The following TOP2A variants were observed in gnomAD, a reference collection of about 807,000 sequenced individuals.
The protein encoded by TOP2A is DNA topoisomerase 2-alpha.
TOP2A carries 68 observed loss-of-function variants against 187.2 expected under a neutral mutation model. The observed-to-expected ratio is 0.36, with a 90% CI of 0.30 to 0.44. The LOEUF is 0.44. Ranked by LOEUF, TOP2A falls within the 20% of genes least tolerant of loss-of-function variation. The pLI is 1.00. For missense variants in TOP2A, 1,196 were observed against 1,808.7 expected, an observed-to-expected ratio of 0.66 and a Z score of 6.14; for synonymous variants, 542 against 593.2, an observed-to-expected ratio of 0.91 and a Z score of 1.25.
In TOP2A at chr17:40,411,903, A is replaced by G. The variant is rs931408858; in HGVS notation, c.790-85T>C. 4 of 1,108,638 alleles carry G rather than the reference A, an allele frequency of 3.6e-6. No individual in the cohort carries two copies. Among genetic ancestry groups the G allele is most frequent in the Non-Finnish European group, 5.0e-6 (4 of 792,540 alleles). The allele number at this position is 1,108,638 out of a possible 1,614,324, so 68.7% of individuals were successfully genotyped here. A position where few individuals can be genotyped will look rare whatever the true frequency, so the allele number is the denominator to read the frequency against. ...AGACTATGAGGACTTTCCAAAACCA[A>G]TGCAATGATGTTCACTGATAGGCAT... is the stretch of plus-strand genomic sequence containing the variant. On this transcript the variant is annotated intron_variant, in intron 7 of 34. Coordinates refer to ENST00000423485, the MANE Select transcript of TOP2A (RefSeq NM_001067.4). The surrounding 1 kb of genome is among the most constrained non-coding windows in gnomAD (Gnocchi z 4.4).
intron 28 of TOP2A, 58 bp downstream of exon 28, chr17:40,396,225 C>G (rs1490486047): frequency 1.1e-6 from 1 of 928,746 alleles, no homozygotes; most frequent in Non-Finnish European, 1.7e-6. Flanking sequence ...AAGTGATCCA[C>G]CCACCTTGGC....
rs1320810962 is a variant in TOP2A at position 40,396,389 on chromosome 17, G to GT, written c.3613dup (p.Thr1205AsnfsTer5). ...AGAAGGCAAAACTTCAGCCATTTGT[G>GT]TTTTTTTCCCCTTGGCCTTCCCCCC... On this transcript the variant is annotated frameshift_variant, in exon 28 of 35. Coordinates refer to ENST00000423485, the MANE Select transcript of TOP2A (RefSeq NM_001067.4). LOFTEE classifies it high-confidence loss of function. 6.2e-7 allele frequency: 1 copy of GT among 1,613,784 alleles called. No individual in the cohort carries two copies. The highest frequency in any genetic ancestry group is 8.5e-7 in the Non-Finnish European group (1 of 1,179,866).
chr17:40,408,020 C>T lies in TOP2A; in HGVS notation c.1447G>A (p.Val483Ile). 3 of 1,613,470 alleles carry T rather than the reference C, an allele frequency of 1.9e-6. No homozygotes were observed. The highest frequency in any genetic ancestry group is 4.5e-5 in the East Asian group (2 of 44,846). ...AGTATTTTTCCTCTAAGAGGGAAAA[C>T]CCCATATTTGTCTCTCCCAACCACA... ...LGVVGRDKYGVFPLRGKILNV... is the reference protein window; with the variant it reads ...LGVVGRDKYGIFPLRGKILNV... The change falls in exon 12 of 35, where the codon GTT becomes ATT. Residue 483 changes from valine to isoleucine, a missense_variant. Coordinates refer to ENST00000423485, the MANE Select transcript of TOP2A (RefSeq NM_001067.4).
chr17:40,392,991 G>C (rs564870145), intron 29 of TOP2A, among the ~76,000 whole-genome samples: 6 of 152,240 alleles, frequency 3.9e-5, no homozygotes, highest in Admixed American at 1.3e-4. Flanking sequence ...AGGATTACTT[G>C]AGCCCAGGGG....
intron 16 of TOP2A, among the ~76,000 whole-genome samples, chr17:40,405,197 G>A (rs1013678455): frequency 4.7e-5 from 7 of 148,860 alleles, no homozygotes; most frequent in Non-Finnish European, 7.4e-5. Flanking sequence ...TTTCACTCTT[G>A]TGGAATGTGA....
chr17:40,396,128 T>C (rs1322074189), intron 28 of TOP2A, among the ~76,000 whole-genome samples, 155 bp downstream of exon 28: 1 of 151,464 alleles, frequency 6.6e-6, no homozygotes, highest in Non-Finnish European at 1.5e-5. Flanking sequence ...TACAGGCGCC[T>C]GCCACCATGC....
chr17:40,408,600 G>T lies in TOP2A; in HGVS notation c.1234C>A (p.Leu412Ile), dbSNP rs2035277066. ...AIGCGIVESI[L>I]NWVKFKAQVQ... Reference sequence around the variant, plus strand: ...TGGGCCTTAAACTTCACCCAGTTTAGTATGCTTTCTACAATACCACAGCCA... The same window carrying T: ...TGGGCCTTAAACTTCACCCAGTTTATTATGCTTTCTACAATACCACAGCCA... Residue 412 changes from leucine to isoleucine, a missense_variant, in exon 11 of 35, where the codon CTA becomes ATA. Transcript: ENST00000423485. 2 of 1,613,648 alleles carry T rather than the reference G, an allele frequency of 1.2e-6. No individual in the cohort carries two copies. Among genetic ancestry groups the T allele is most frequent in the South Asian group, 2.2e-5 (2 of 91,086 alleles).
intron 4 of TOP2A, among the ~76,000 whole-genome samples, chr17:40,415,207 A>G (rs1039228215): frequency 6.7e-6 from 1 of 148,982 alleles, no homozygotes; most frequent in Non-Finnish European, 1.5e-5. Context: ...GGCGCCCACC[A>G]CTACACCCGG....
intron 1 of TOP2A, 155 bp downstream of exon 1, chr17:40,417,616 C>T: frequency 2.0e-6 from 3 of 1,495,654 alleles, no homozygotes; most frequent in Non-Finnish European, 2.7e-6. Context: ...GCTTCCGCCT[C>T]TCCACGATCA....
chr17:40,393,762 T>C (rs537153182), intron 29 of TOP2A, among the ~76,000 whole-genome samples: 36 of 152,078 alleles, frequency 2.4e-4, no homozygotes, highest in Non-Finnish European at 1.9e-4. Flanking sequence ...GCTAAAACTA[T>C]AAAATGCTTA....
chr17:40,392,871 G>A lies in TOP2A; in HGVS notation c.3812-134C>T, dbSNP rs535266790. On this transcript the variant is annotated intron_variant, in intron 29 of 34. Transcript: ENST00000423485. Reference sequence around the variant, plus strand: ...ACAATCGTGAAAAGAGACAGATATGGTCTCTGTTTTTGTGGTGCATATAGC... The same window carrying A: ...ACAATCGTGAAAAGAGACAGATATGATCTCTGTTTTTGTGGTGCATATAGC... The A allele has an allele frequency of 3.8e-6, 3 of 786,902 alleles. No homozygotes were observed. In the South Asian group the frequency reaches 5.8e-5, roughly 15 times the overall value. 48.7% of individuals were successfully genotyped at this position (786,902 alleles called of 1,614,324 possible).
intron 33 of TOP2A, chr17:40,391,143 A>C (rs187058948): frequency 1.1e-4 from 20 of 178,366 alleles, no homozygotes; most frequent in Non-Finnish European, 1.9e-4. Flanking sequence ...GCAGCCTTGA[A>C]CTCCTGGCCT....
In TOP2A at chr17:40,417,759, C is replaced by T. The variant is rs756563189; in HGVS notation, c.21+12G>A. On this transcript the variant is annotated intron_variant, in intron 1 of 34. Transcript: ENST00000423485. ...CGGAGGCTCCACCGCCAGTCCCCCC[C>T]GCGAGCCGTACCTGCAATGGTGACA... 4 of 1,612,486 alleles carry T rather than the reference C, an allele frequency of 2.5e-6. No homozygotes were observed. In the African/African-American group the frequency reaches 4.0e-5, roughly 16 times the overall value.
Position 40,389,073 on chromosome 17 carries a change from T to C in TOP2A, c.*446A>G, listed in dbSNP as rs1031641240. The C allele has an allele frequency of 2.7e-5, 6 of 219,518 alleles. No individual in the cohort carries two copies. Among genetic ancestry groups the C allele is most frequent in the Non-Finnish European group, 9.2e-6 (1 of 108,670 alleles). 13.6% of individuals were successfully genotyped at this position (219,518 alleles called of 1,614,324 possible). Reference sequence around the variant, plus strand: ...CATAAAGTTCTATCTGATGGTAAATTATGTATAAAACTAAGATAAAACAGA... The same window carrying C: ...CATAAAGTTCTATCTGATGGTAAATCATGTATAAAACTAAGATAAAACAGA... On this transcript the variant is annotated 3_prime_UTR_variant, in exon 35 of 35. Coordinates refer to ENST00000423485, the MANE Select transcript of TOP2A (RefSeq NM_001067.4).
rs541500588 is a variant in TOP2A, at chr17:40,401,920, CATA to C, written c.2433-842_2433-840del. 2.6e-5 allele frequency among the ~76,000 whole-genome samples: 4 copies of C among 152,272 alleles called. No individual in the cohort carries two copies. The South Asian group carries it at 8.3e-4, about 32-fold the overall frequency. The stretch of plus-strand genomic sequence containing the variant: ...ACATGGAAGGTGGGGACACGGATCA[CATA>C]ATGTCTGGTTAGCTAAAATAGGTCT... On this transcript the variant is annotated intron_variant, in intron 20 of 34. Coordinates refer to ENST00000423485, the MANE Select transcript of TOP2A (RefSeq NM_001067.4).
intron 33 of TOP2A, 128 bp downstream of exon 33, chr17:40,391,378 G>T: frequency 2.1e-6 from 2 of 935,606 alleles, no homozygotes; most frequent in Non-Finnish European, 3.1e-6. Flanking sequence ...AAAAGAAATT[G>T]CTTCCAATTG....
At chr17:40,408,977 C>G in intron 10 of TOP2A, 1 of 429,070 alleles carries the variant, frequency 2.3e-6, no homozygotes, top group Non-Finnish European at 4.6e-6. Flanking sequence ...GGCAGAACAC[C>G]TGAGGTCAGG....
At chr17:40,409,286 G>T (rs1053021141) in intron 10 of TOP2A, 7 of 336,344 alleles carry the variant, frequency 2.1e-5, no homozygotes, top group South Asian at 1.5e-4. Context: ...TGAGGCAGGA[G>T]AATTGCTTTA....
At position 40,395,462 on chromosome 17, in the gene TOP2A, C is replaced by T; in HGVS notation, c.3798G>A (p.Gln1266=). 1.2e-6 allele frequency: 2 copies of T among 1,606,754 alleles called. No individual in the cohort carries two copies. The highest frequency in any genetic ancestry group is 1.7e-6 in the Non-Finnish European group (2 of 1,175,726). ...EGLKQRLEKK[Q]KREPGTKTKK... Reference sequence around the variant, plus strand: ...ATGTTGTAATACCTGGTTCTCTTTTCTGTTTCTTTTCTAATCTTTGTTTTA... The same window carrying T: ...ATGTTGTAATACCTGGTTCTCTTTTTTGTTTCTTTTCTAATCTTTGTTTTA... The change falls in exon 29 of 35, where the codon CAG becomes CAA. Residue 1266 remains glutamine, a synonymous_variant. Transcript: ENST00000423485.
Sources: allele counts gnomAD v4.1 joint callset (sites outside exome capture counted in the v4.1 genomes callset), GRCh38; gene constraint gnomAD v4.1.1; non-coding constraint Gnocchi (gnomAD v3.1); transcripts MANE v1.5; gene names NCBI Gene and HGNC (gene_info 2026-07-23, HGNC 2026-07-21).